PDE3B: variants seen among roughly 807,000 people sequenced by gnomAD.
The protein encoded by PDE3B is phosphodiesterase 3B, also known as cGMP-inhibited 3',5'-cyclic phosphodiesterase 3B.
A neutral mutation model predicts 116.8 loss-of-function variants in PDE3B; 66 were observed. The ratio of observed to expected loss-of-function variants is 0.56; its 90% confidence interval spans 0.46 to 0.69. The LOEUF (loss-of-function observed/expected upper bound fraction) is 0.69. Among genes scored for constraint, PDE3B ranks in the 30% least tolerant of loss-of-function variants. The pLI is 0.00. For synonymous variants in PDE3B, 595 were observed against 533.6 expected, an observed-to-expected ratio of 1.12 and a Z score of -1.59; for missense variants, 1,384 against 1,368.1, an observed-to-expected ratio of 1.01 and a Z score of -0.18.
At chr11:14,883,410 C>G in the PDE3B span, among the ~76,000 whole-genome samples, 1 of 152,102 alleles carries the variant, frequency 6.6e-6, no homozygotes, top group African/African-American at 2.4e-5. Context: ...CTTTGACGAA[C>G]CTGAGAAAAA....
intron 1 of PDE3B, among the ~76,000 whole-genome samples, chr11:14,689,987 G>A (rs1284506196): frequency 2.0e-5 from 3 of 152,282 alleles, no homozygotes; most frequent in East Asian, 1.9e-4. Flanking sequence ...AGTTTGGGAG[G>A]CATGTATTTA....
At chr11:14,843,747 T>C in intron 11 of PDE3B, 80 bp from the exon 12 acceptor site, 2 of 1,023,728 alleles carry the variant, frequency 2.0e-6, no homozygotes, top group Non-Finnish European at 3.1e-6. Flanking sequence ...GCATATTACC[T>C]ATGAGAATCC....
chr11:14,645,769 TTTTG>T (rs1853383536), intron 1 of PDE3B, among the ~76,000 whole-genome samples: 2 of 152,162 alleles, frequency 1.3e-5, no homozygotes, highest in Admixed American at 6.5e-5. Context: ...GTTTACATAT[TTTTG>T]TTTTTTTTTT....
In PDE3B at chr11:14,843,822, C is replaced by T; in HGVS notation, c.2321-5C>T. 6.2e-7 allele frequency: 1 copy of T among 1,611,506 alleles called. No individual in the cohort carries two copies. On this transcript the variant is annotated splice_polypyrimidine_tract_variant and splice_region_variant and intron_variant, in intron 11 of 15. Coordinates refer to ENST00000282096, the MANE Select transcript of PDE3B (RefSeq NM_000922.4). ...TGGTTTATTTTGCTATTTATTGTTT[C>T]TCAGATTCTGATGGTAGAATTAACC...
the PDE3B span, among the ~76,000 whole-genome samples, chr11:14,884,623 T>G: frequency 0.019 from 2,958 of 151,888 alleles, 99 homozygotes; most frequent in African/African-American, 0.068. Flanking sequence ...ATGGCACATG[T>G]ATACATATGT....
chr11:14,847,624 A>T (rs1281159711), intron 12 of PDE3B, among the ~76,000 whole-genome samples: 1 of 152,226 alleles, frequency 6.6e-6, no homozygotes, highest in Non-Finnish European at 1.5e-5. Context: ...GAGAAGAATC[A>T]AATAGACGCA....
At position 14,748,122 on chromosome 11, in the gene PDE3B, G is replaced by T. The variant is rs189203193; in HGVS notation, c.979-23815G>T. The stretch of plus-strand genomic sequence containing the variant: ...CCTAGTTCTTTAACATAATCTAAAT[G>T]GTTTAACATAGGCATAGGCCTATAA... On this transcript the variant is annotated intron_variant, in intron 1 of 15. Coordinates refer to ENST00000282096, the MANE Select transcript of PDE3B (RefSeq NM_000922.4). Among the ~76,000 whole-genome samples the T allele has an allele frequency of 4.5e-3, 688 of 152,224 alleles. 3 individuals carry two copies. The highest frequency in any genetic ancestry group is 0.015 in the African/African-American group (611 of 41,544).
chr11:14,852,073 T>G (rs182097292), intron 12 of PDE3B, among the ~76,000 whole-genome samples: 126 of 152,342 alleles, frequency 8.3e-4, no homozygotes, highest in African/African-American at 2.8e-3. Context: ...TTGTTTTGTT[T>G]TGAGACAGAG....
intron 11 of PDE3B, among the ~76,000 whole-genome samples, chr11:14,842,293 T>G (rs1444930364): frequency 6.6e-6 from 1 of 152,238 alleles, no homozygotes; most frequent in Non-Finnish European, 1.5e-5. Context: ...CCAACTGTGT[T>G]CTTTTTTGTA....
chr11:14,811,538 C>G lies in PDE3B; in HGVS notation c.1523-6645C>G, dbSNP rs535291165. On this transcript the variant is annotated intron_variant, in intron 5 of 15. Coordinates refer to ENST00000282096, the MANE Select transcript of PDE3B (RefSeq NM_000922.4). ...TACCAGTACCATGCTGTTTTGGTTA[C>G]TGTAGCCTTGTAGTATAGTTTGAAG... Among the ~76,000 whole-genome samples the G allele has an allele frequency of 6.2e-3, 945 of 152,288 alleles. 8 individuals carry two copies. The highest frequency in any genetic ancestry group is 0.01 in the South Asian group (50 of 4,824).
Position 14,644,573 on chromosome 11 carries a change from C to A in PDE3B, c.498C>A (p.Phe166Leu). 6.3e-7 allele frequency: 1 copy of A among 1,589,102 alleles called. No individual in the cohort carries two copies. The highest frequency in any genetic ancestry group is 8.6e-7 in the Non-Finnish European group (1 of 1,168,098). ...CCGCCTGCTGTTACCTGGGGGACTT[C>A]TTGGTGTGGCAGTGGTGGTCTTGGC... Reference protein sequence around the residue: ...ALPACCYLGDFLVWQWWSWPW... With the variant: ...ALPACCYLGDLLVWQWWSWPW... The change falls in exon 1 of 16, where the codon TTC (phenylalanine) becomes TTA (leucine). Residue 166 changes from phenylalanine to leucine, a missense_variant. Phe to Leu is a conservative substitution (Grantham distance 22). This residue lies in a region of PDE3B where 956 missense variants were observed against 806.8 expected (regional missense o/e 1.18). Transcript: ENST00000282096.
intron 4 of PDE3B, among the ~76,000 whole-genome samples, chr11:14,801,749 C>T (rs576156921): frequency 6.6e-6 from 1 of 152,340 alleles, no homozygotes; most frequent in South Asian, 2.1e-4. Flanking sequence ...CCCCTTCCCC[C>T]AGGTGCTCTG....
At chr11:14,828,815 T>C (rs974746381) in intron 7 of PDE3B, among the ~76,000 whole-genome samples, 2 of 152,204 alleles carry the variant, frequency 1.3e-5, no homozygotes, top group Admixed American at 6.6e-5. Context: ...ACTGGGTATA[T>C]ATCCAAAGGA....
At chr11:14,716,137 C>T (rs1214850170) in intron 1 of PDE3B, among the ~76,000 whole-genome samples, 2 of 152,156 alleles carry the variant, frequency 1.3e-5, no homozygotes, top group East Asian at 3.9e-4. Context: ...AGTTCCCTTT[C>T]CGAGTCAAAG....
intron 7 of PDE3B, among the ~76,000 whole-genome samples, chr11:14,825,958 A>T (rs917384186): frequency 6.6e-6 from 1 of 152,070 alleles, no homozygotes; most frequent in African/African-American, 2.4e-5. Context: ...AATCAAGACT[A>T]AAAAAAATCA....
At chr11:14,678,400 T>G (rs970208691) in intron 1 of PDE3B, among the ~76,000 whole-genome samples, 1 of 152,228 alleles carries the variant, frequency 6.6e-6, no homozygotes, top group African/African-American at 2.4e-5. Flanking sequence ...TATGTTTAAC[T>G]TTATAAGAAA....
At chr11:14,762,771 G>A (rs1565126047) in intron 1 of PDE3B, among the ~76,000 whole-genome samples, 1 of 152,210 alleles carries the variant, frequency 6.6e-6, no homozygotes, top group African/African-American at 2.4e-5. Flanking sequence ...TTTATATTCT[G>A]TACATATTAT....
the PDE3B span, chr11:14,891,952 T>C: frequency 6.2e-7 from 1 of 1,607,848 alleles, no homozygotes; most frequent in Non-Finnish European, 8.5e-7. Context: ...CTGGCGGCCC[T>C]CCCTGCCCGG....
At chr11:14,885,932 G>C in the PDE3B span, 15 of 1,611,802 alleles carry the variant, frequency 9.3e-6, no homozygotes, top group Non-Finnish European at 1.1e-5. Context: ...GAGAAGAGAA[G>C]AAAAACAACA....
Sources: gnomAD v4.1 joint callset for allele counts (sites outside exome capture counted in the v4.1 genomes callset) on GRCh38, gnomAD v4.1.1 for gene constraint, gnomAD v4.1.1 regional missense constraint, MANE v1.5 for transcripts, NCBI Gene and HGNC (gene_info 2026-07-23, HGNC 2026-07-21) for gene names.